The following KLF8 variants were observed in gnomAD, a reference collection of about 807,000 sequenced individuals.
The protein encoded by KLF8 is Krueppel-like factor 8.
KLF8 carries 10 observed loss-of-function variants against 18.2 expected under a neutral mutation model. The ratio of observed to expected loss-of-function variants is 0.55; its 90% CI spans 0.34 to 0.93. KLF8 has a LOEUF of 0.93. KLF8 is among the 40% of genes least tolerant of loss of function. The probability of loss-of-function intolerance (pLI) is 0.02; values close to 1 mark genes in which losing one functional copy is unlikely to be tolerated. For synonymous variants in KLF8, 109 were observed against 97.3 expected, an observed-to-expected ratio of 1.12 and a Z score of -0.71; for missense variants, 264 against 277.9, an observed-to-expected ratio of 0.95 and a Z score of 0.36.
the KLF8 span, among the ~76,000 whole-genome samples, chrX:56,186,085 T>A: frequency 2.7e-5 from 3 of 111,897 alleles, no homozygotes; most frequent in South Asian, 1.1e-3. Flanking sequence ...ACTGGCAAAT[T>A]GGAAAAAGAG....
At chrX:56,129,636 T>G in the KLF8 span, among the ~76,000 whole-genome samples, 1 of 111,099 alleles carries the variant, frequency 9.0e-6, no homozygotes, top group Non-Finnish European at 1.9e-5. Context: ...CAGCTAAACT[T>G]TGTAACCACT....
At chrX:56,189,668 C>T in the KLF8 span, among the ~76,000 whole-genome samples, 1 of 110,352 alleles carries the variant, frequency 9.1e-6, no homozygotes, top group African/African-American at 3.3e-5. Flanking sequence ...GGCACATATA[C>T]ACCATGGAAT....
chrX:56,177,175 G>A, the KLF8 span, among the ~76,000 whole-genome samples: 108 of 111,640 alleles, frequency 9.7e-4, no homozygotes, highest in African/African-American at 3.1e-3. Flanking sequence ...GAGGAGAGGC[G>A]CTCTGATTTT....
At chrX:56,135,048 A>G in the KLF8 span, among the ~76,000 whole-genome samples, 168 of 111,529 alleles carry the variant, frequency 1.5e-3, no homozygotes, top group African/African-American at 5.4e-3. Flanking sequence ...AAGTCAGGAA[A>G]CAACAGGTGC....
chrX:56,091,427 T>A, the KLF8 span, among the ~76,000 whole-genome samples: 10 of 111,671 alleles, frequency 9.0e-5, no homozygotes, highest in Non-Finnish European at 1.7e-4. Context: ...CTCGGGTGTG[T>A]CTTTATAGCA....
At chrX:56,239,709 A>G (rs759471522) in intron 1 of KLF8, among the ~76,000 whole-genome samples, 1 of 111,858 alleles carries the variant, frequency 8.9e-6, no homozygotes, top group Non-Finnish European at 1.9e-5. Flanking sequence ...TTCTCCAAAT[A>G]CCTAAATGTG....
the KLF8 span, among the ~76,000 whole-genome samples, chrX:56,053,544 GT>G: frequency 1.6e-3 from 112 of 68,698 alleles, no homozygotes; most frequent in African/African-American, 8.0e-3. Flanking sequence ...TCTTTTCTTT[GT>G]TTTTTTTTTT....
chrX:56,185,707 G>A, the KLF8 span, among the ~76,000 whole-genome samples: 12 of 111,806 alleles, frequency 1.1e-4, no homozygotes, highest in South Asian at 4.5e-3. Context: ...AGAAGAGAGT[G>A]GGGGCCAATA....
chrX:56,002,437 G>C, the KLF8 span, among the ~76,000 whole-genome samples: 1 of 110,071 alleles, frequency 9.1e-6, no homozygotes, highest in Non-Finnish European at 1.9e-5. Flanking sequence ...GTGTGTGTGT[G>C]TGTGTGTGTG....
the KLF8 span, among the ~76,000 whole-genome samples, chrX:55,967,255 G>C: frequency 9.0e-6 from 1 of 111,436 alleles, no homozygotes; most frequent in Non-Finnish European, 1.9e-5. Context: ...TAATATCCAA[G>C]TACAAGAAGG....
At chrX:56,123,899 T>C in the KLF8 span, among the ~76,000 whole-genome samples, 1 of 111,960 alleles carries the variant, frequency 8.9e-6, no homozygotes. Flanking sequence ...ACCATTATGA[T>C]ATACATTTTA....
At chrX:56,109,390 A>T in the KLF8 span, among the ~76,000 whole-genome samples, 2 of 97,704 alleles carry the variant, frequency 2.0e-5, no homozygotes, top group Non-Finnish European at 3.9e-5. Context: ...GCAAAACTCT[A>T]TCTCAAAAAA....
At chrX:56,156,852 T>G in the KLF8 span, among the ~76,000 whole-genome samples, 4 of 106,808 alleles carry the variant, frequency 3.7e-5, no homozygotes, top group Non-Finnish European at 7.7e-5. Context: ...TTGCTGAGAA[T>G]GATGGTTTTG....
At chrX:55,938,885 G>C in the KLF8 span, among the ~76,000 whole-genome samples, 30 of 111,685 alleles carry the variant, frequency 2.7e-4, no homozygotes, top group Non-Finnish European at 5.1e-4. Flanking sequence ...CAAGTTCTTA[G>C]TGACCTACAA....
the KLF8 span, among the ~76,000 whole-genome samples, chrX:55,940,918 A>T: frequency 8.9e-6 from 1 of 111,928 alleles, no homozygotes; most frequent in Non-Finnish European, 1.9e-5. Flanking sequence ...ATGGGTAGGA[A>T]GAATCAATAT....
chrX:56,050,768 T>C, the KLF8 span, among the ~76,000 whole-genome samples: 4 of 112,057 alleles, frequency 3.6e-5, no homozygotes, highest in Non-Finnish European at 5.6e-5. Context: ...GAGTTTTCTG[T>C]AGATGTCTAT....
At chrX:56,156,808 C>T in the KLF8 span, among the ~76,000 whole-genome samples, 1 of 101,053 alleles carries the variant, frequency 9.9e-6, no homozygotes, top group Non-Finnish European at 2.0e-5. Context: ...TGAGTGAGAA[C>T]ATGTGATGTT....
At chrX:56,008,137 T>TATATAC in the KLF8 span, among the ~76,000 whole-genome samples, 3,510 of 106,369 alleles carry the variant, frequency 0.033, 171 homozygotes, top group African/African-American at 0.12. Context: ...TATATATATA[T>TATATAC]ACACACACAA....
At chrX:56,274,286 C>A (rs1050351910) in intron 5 of KLF8, among the ~76,000 whole-genome samples, 1 of 112,013 alleles carries the variant, frequency 8.9e-6, no homozygotes, top group Non-Finnish European at 1.9e-5. Flanking sequence ...TGTTGAGCAC[C>A]TTTTCATATG....
Sources: gnomAD v4.1 joint callset for allele counts (sites outside exome capture counted in the v4.1 genomes callset) on GRCh38, gnomAD v4.1.1 for gene constraint, MANE v1.5 for transcripts, NCBI Gene and HGNC (gene_info 2026-07-23, HGNC 2026-07-21) for gene names.